CLTRN: variants seen among roughly 807,000 people sequenced by gnomAD.
CLTRN encodes collectrin, amino acid transport regulator.
A neutral mutation model predicts 14.5 loss-of-function variants in CLTRN; 12 were observed. That is an observed-to-expected ratio of 0.83 (90% confidence interval 0.53 to 1.34). CLTRN has a LOEUF of 1.34. Ranked by LOEUF, CLTRN falls within the 40% of genes most tolerant of loss-of-function variation. CLTRN has a pLI of 0.00. For missense variants in CLTRN, 154 were observed against 165.1 expected (o/e 0.93, Z 0.37); for synonymous variants, 58 against 56.5 (o/e 1.03, Z -0.12).
At chrX:15,640,245 T>A (rs1356196616) in intron 4 of CLTRN, among the ~76,000 whole-genome samples, 1 of 112,128 alleles carries the variant, frequency 8.9e-6, no homozygotes, top group Non-Finnish European at 1.9e-5. Flanking sequence ...ATAGCAATGA[T>A]GTGATGACCC....
chrX:15,642,971 C>T (rs1418257787), intron 4 of CLTRN, among the ~76,000 whole-genome samples: 2 of 110,438 alleles, frequency 1.8e-5, no homozygotes, highest in African/African-American at 3.3e-5. Context: ...GTGGCACATC[C>T]CTGTAGTCCC....
upstream of CLTRN, among the ~76,000 whole-genome samples, chrX:15,668,272 G>C (rs927771442): frequency 8.9e-6 from 1 of 111,750 alleles, no homozygotes; most frequent in Non-Finnish European, 1.9e-5. Flanking sequence ...ACAATGATGG[G>C]AATAAGACGC....
intron 3 of CLTRN, chrX:15,646,274 T>C (rs958518442): frequency 4.1e-6 from 1 of 246,033 alleles, no homozygotes; most frequent in African/African-American, 2.9e-5. Flanking sequence ...CCTCGTGCAC[T>C]TTCTGACATT....
intron 1 of CLTRN, among the ~76,000 whole-genome samples, chrX:15,674,023 T>G (rs1190996691): frequency 8.9e-6 from 1 of 112,395 alleles, no homozygotes; most frequent in East Asian, 2.8e-4. Context: ...TCTCAATTCT[T>G]GTGCCATCTA....
Position 15,639,713 on chromosome X carries a change from G to A in CLTRN, c.361C>T (p.Gln121Ter), listed in dbSNP as rs755804473. ...RINNAFFLND[Q>*]TLEFLKIPST... Reference sequence around the variant, plus strand: ...GGGATTTTTAAAAATTCCAGAGTTTGGTCATTTAGAAAGAAGGCATTGTTG... The same window carrying A: ...GGGATTTTTAAAAATTCCAGAGTTTAGTCATTTAGAAAGAAGGCATTGTTG... The change falls in exon 5 of 6, where the codon CAA becomes TAA. Residue 121 changes from glutamine to a stop codon, truncating the protein, a stop_gained. Coordinates refer to ENST00000380342, the MANE Select transcript of CLTRN (RefSeq NM_020665.6). LOFTEE classifies it high-confidence loss of function. 2 of 1,208,967 alleles carry A rather than the reference G, an allele frequency of 1.7e-6. No homozygotes were observed. The highest frequency in any genetic ancestry group is 2.2e-6 in the Non-Finnish European group (2 of 894,437).
intron 5 of CLTRN, among the ~76,000 whole-genome samples, chrX:15,634,369 G>A (rs191358991): frequency 1.8e-5 from 2 of 111,033 alleles, no homozygotes; most frequent in Middle Eastern, 4.6e-3. Context: ...GCCAGAGCCT[G>A]AGACTGGAAC....
At chrX:15,664,450 CAG>C (rs1569256002) in intron 1 of CLTRN, 55 bp from the exon 2 acceptor site, 1 of 1,033,203 alleles carries the variant, frequency 9.7e-7, no homozygotes, top group East Asian at 3.3e-5. Context: ...TCTGCCAAAA[CAG>C]AGTCTGAAAA....
intron 5 of CLTRN, among the ~76,000 whole-genome samples, chrX:15,633,630 T>C (rs892522985): frequency 6.2e-5 from 7 of 112,986 alleles, no homozygotes; most frequent in African/African-American, 2.2e-4. Context: ...TATAAGAATG[T>C]GGTTTCAGGA....
At chrX:15,656,048 G>C (rs1039359840) in intron 3 of CLTRN, among the ~76,000 whole-genome samples, 1 of 111,639 alleles carries the variant, frequency 9.0e-6, no homozygotes, top group South Asian at 3.8e-4. Context: ...TCAAGTCCTA[G>C]GGGAGTGGAA....
upstream of CLTRN, among the ~76,000 whole-genome samples, chrX:15,667,111 C>T (rs192410714): frequency 9.0e-6 from 1 of 111,357 alleles, no homozygotes; most frequent in Non-Finnish European, 1.9e-5. Flanking sequence ...GTGGCAGGTG[C>T]CTGTAGTCCC....
At chrX:15,653,226 G>A (rs764986989) in intron 3 of CLTRN, among the ~76,000 whole-genome samples, 3 of 111,453 alleles carry the variant, frequency 2.7e-5, no homozygotes, top group Non-Finnish European at 5.7e-5. Flanking sequence ...TGGGTTGGGT[G>A]TTGAAGAGTG....
At chrX:15,657,100 G>C (rs1929387728) in intron 3 of CLTRN, among the ~76,000 whole-genome samples, 1 of 110,205 alleles carries the variant, frequency 9.1e-6, no homozygotes, top group African/African-American at 3.3e-5. Flanking sequence ...CCAGGCTCAA[G>C]TGATCTCAGC....
chrX:15,653,197 G>A (rs752896269), intron 3 of CLTRN, among the ~76,000 whole-genome samples: 46 of 111,239 alleles, frequency 4.1e-4, no homozygotes, highest in Non-Finnish European at 6.0e-4. Context: ...TTCCTCCCCT[G>A]TTGCAAATTC....
At chrX:15,658,710 T>TTATA (rs56162633) in intron 3 of CLTRN, among the ~76,000 whole-genome samples, 77 of 98,744 alleles carry the variant, frequency 7.8e-4, no homozygotes, top group South Asian at 3.3e-3. Context: ...TGCAAGAAAA[T>TTATA]TATATATATA....
chrX:15,668,735 G>T (rs928801219), upstream of CLTRN, among the ~76,000 whole-genome samples: 2 of 111,219 alleles, frequency 1.8e-5, no homozygotes, highest in Non-Finnish European at 3.8e-5. Context: ...CAGAAATAAA[G>T]AGTTCACAGA....
chrX:15,640,421 G>A (rs1928915550), intron 4 of CLTRN, among the ~76,000 whole-genome samples: 1 of 112,837 alleles, frequency 8.9e-6, no homozygotes, highest in African/African-American at 3.2e-5. Context: ...AACATCACAG[G>A]AGCTATAATA....
chrX:15,644,318 T>C (rs148597651), intron 4 of CLTRN, among the ~76,000 whole-genome samples: 2,865 of 111,600 alleles, frequency 0.026, 78 homozygotes, highest in African/African-American at 0.087. Context: ...GAAAATCAAA[T>C]GAACTGTGTC....
chrX:15,659,353 C>T (rs1477401989), intron 2 of CLTRN, among the ~76,000 whole-genome samples: 1 of 111,588 alleles, frequency 9.0e-6, no homozygotes, highest in Non-Finnish European at 1.9e-5. Flanking sequence ...CCTGCAGCAT[C>T]AGTACCCAGC....
At chrX:15,632,800 T>C (rs1336969676) in intron 5 of CLTRN, among the ~76,000 whole-genome samples, 1 of 96,967 alleles carries the variant, frequency 1.0e-5, no homozygotes, top group Non-Finnish European at 2.0e-5. Context: ...AGGAGAATGG[T>C]GTGAACCCGG....
Sources: gnomAD v4.1 joint callset for allele counts (sites outside exome capture counted in the v4.1 genomes callset) on GRCh38, gnomAD v4.1.1 for gene constraint, MANE v1.5 for transcripts, NCBI Gene and HGNC (gene_info 2026-07-23, HGNC 2026-07-21) for gene names.